TBC1D19: variants seen among roughly 807,000 people sequenced by gnomAD.
TBC1D19 encodes the protein TBC1 domain family member 19, also known as TBC1 domain family, member 19.
In TBC1D19, 60 loss-of-function variants were observed where a neutral mutation model predicts 89.0. The ratio of observed to expected loss-of-function variants is 0.67; its 90% CI spans 0.55 to 0.84. The LOEUF (loss-of-function observed/expected upper bound fraction) is 0.84, where lower values mean the gene tolerates loss of function less well. TBC1D19 is among the 40% of genes least tolerant of loss of function. The pLI is 0.00. For missense variants in TBC1D19, 500 were observed against 610.8 expected (o/e 0.82, Z 1.91); for synonymous variants, 189 against 199.7 (o/e 0.95, Z 0.45).
At chr4:26,636,576 A>G (rs2110070867) in intron 4 of TBC1D19, among the ~76,000 whole-genome samples, 1 of 151,844 alleles carries the variant, frequency 6.6e-6, no homozygotes, top group Middle Eastern at 3.4e-3. Flanking sequence ...AATGTAATGC[A>G]TGAATTTTGA....
chr4:26,821,073 C>T, the TBC1D19 span, among the ~76,000 whole-genome samples: 2 of 152,150 alleles, frequency 1.3e-5, no homozygotes, highest in East Asian at 1.9e-4. Context: ...GCCAATATGG[C>T]GCCTGGAAGA....
At chr4:26,774,591 A>G in the TBC1D19 span, among the ~76,000 whole-genome samples, 1 of 152,092 alleles carries the variant, frequency 6.6e-6, no homozygotes, top group African/African-American at 2.4e-5. Context: ...TTTAATTTCA[A>G]TTTTGGATTG....
At chr4:26,653,331 G>A (rs1423319557) in intron 7 of TBC1D19, among the ~76,000 whole-genome samples, 1 of 152,178 alleles carries the variant, frequency 6.6e-6, no homozygotes, top group Non-Finnish European at 1.5e-5. Flanking sequence ...GTGCTGAGAA[G>A]AATGTATATT....
intron 1 of TBC1D19, among the ~76,000 whole-genome samples, chr4:26,578,850 T>A (rs1255038361): frequency 6.6e-6 from 1 of 152,224 alleles, no homozygotes; most frequent in Non-Finnish European, 1.5e-5. Flanking sequence ...GAGGGAATAA[T>A]CTCAAATTCC....
chr4:26,734,010 A>C (rs1717819692), intron 15 of TBC1D19, among the ~76,000 whole-genome samples: 2 of 152,218 alleles, frequency 1.3e-5, no homozygotes, highest in African/African-American at 4.8e-5. Flanking sequence ...TGGAGCAAGA[A>C]ATCCTGATGG....
At chr4:26,703,675 C>T (rs893109103) in intron 13 of TBC1D19, among the ~76,000 whole-genome samples, 4 of 150,682 alleles carry the variant, frequency 2.7e-5, no homozygotes, top group Admixed American at 2.6e-4. Flanking sequence ...GGCCTATGTC[C>T]GGGCACGGTG....
chr4:26,732,768 G>A (rs905647184), intron 15 of TBC1D19, among the ~76,000 whole-genome samples: 3 of 152,282 alleles, frequency 2.0e-5, no homozygotes, highest in South Asian at 2.1e-4. Context: ...CTGCTTGCCA[G>A]TCACTCTGAA....
intron 14 of TBC1D19, among the ~76,000 whole-genome samples, chr4:26,718,504 C>T (rs746282105): frequency 6.6e-6 from 1 of 152,098 alleles, no homozygotes. Flanking sequence ...TCTGAAGATA[C>T]AATTAACTTC....
intron 7 of TBC1D19, among the ~76,000 whole-genome samples, chr4:26,649,796 A>C (rs181330779): frequency 6.5e-4 from 99 of 151,858 alleles, no homozygotes; most frequent in African/African-American, 2.1e-3. Flanking sequence ...TGTGCCATGT[A>C]GGTGTGCTGC....
At chr4:26,656,857 A>G (rs260937) in intron 7 of TBC1D19, among the ~76,000 whole-genome samples, 55,412 of 151,806 alleles carry the variant, frequency 0.37, 11,427 homozygotes, top group Non-Finnish European at 0.47. Flanking sequence ...CTGCGCCCAG[A>G]CACTTATTTT....
At chr4:26,577,494 G>A (rs1433302224) in intron 1 of TBC1D19, among the ~76,000 whole-genome samples, 1 of 152,192 alleles carries the variant, frequency 6.6e-6, no homozygotes, top group Non-Finnish European at 1.5e-5. Context: ...ATTGGAAATG[G>A]GTTTTCTTTT....
intron 7 of TBC1D19, among the ~76,000 whole-genome samples, chr4:26,654,358 T>C (rs1358432218): frequency 3.9e-5 from 6 of 152,096 alleles, no homozygotes; most frequent in Admixed American, 3.9e-4. Context: ...GGTCTTGGAG[T>C]TGCTCTTCTC....
At chr4:26,581,713 C>A (rs368599425), upstream of TBC1D19, among the ~76,000 whole-genome samples, 5 of 152,188 alleles carry the variant, frequency 3.3e-5, no homozygotes, top group African/African-American at 1.2e-4. Flanking sequence ...AGGTGGGAGA[C>A]TGAAGTGGTC....
At chr4:26,854,331 T>G in the TBC1D19 span, among the ~76,000 whole-genome samples, 2 of 152,188 alleles carry the variant, frequency 1.3e-5, no homozygotes, top group Admixed American at 6.5e-5. Flanking sequence ...TCTTACTAAT[T>G]TTTGATCTTA....
chr4:26,683,781 C>T (rs1713564325), intron 12 of TBC1D19, 32 bp downstream of exon 12: 1 of 1,551,254 alleles, frequency 6.4e-7, no homozygotes, highest in East Asian at 2.3e-5. Flanking sequence ...TTTTCCTTTT[C>T]ATTAATATAA....
intron 13 of TBC1D19, among the ~76,000 whole-genome samples, chr4:26,716,000 C>T (rs1191607583): frequency 6.6e-6 from 1 of 152,078 alleles, no homozygotes; most frequent in Non-Finnish European, 1.5e-5. Context: ...ATCACCTTCT[C>T]AAGGAAGCCT....
intron 14 of TBC1D19, among the ~76,000 whole-genome samples, 189 bp from the exon 15 acceptor site, chr4:26,719,892 T>C (rs1716866410): frequency 6.6e-6 from 1 of 152,120 alleles, no homozygotes; most frequent in Non-Finnish European, 1.5e-5. Flanking sequence ...GTTACTTTAA[T>C]TGATGAAAGG....
chr4:26,851,986 G>A, the TBC1D19 span, among the ~76,000 whole-genome samples: 2 of 152,250 alleles, frequency 1.3e-5, no homozygotes, highest in African/African-American at 4.8e-5. Context: ...ATATGCTGGT[G>A]ACTCCTAAAT....
chr4:26,783,442 G>C, the TBC1D19 span, among the ~76,000 whole-genome samples: 3 of 152,132 alleles, frequency 2.0e-5, no homozygotes, highest in Non-Finnish European at 4.4e-5. Context: ...TGAAATGAAT[G>C]AGGGAAAAAT....
Sources: allele counts gnomAD v4.1 joint callset (sites outside exome capture counted in the v4.1 genomes callset), GRCh38; gene constraint gnomAD v4.1.1; transcripts MANE v1.5; gene names NCBI Gene and HGNC (gene_info 2026-07-23, HGNC 2026-07-21).